The following CSMD1 variants were observed in gnomAD, a reference collection of about 807,000 sequenced individuals.
CSMD1 encodes the protein CUB and Sushi multiple domains 1, also known as CUB and sushi domain-containing protein 1.
In CSMD1, 213 loss-of-function variants were observed where a neutral mutation model predicts 417.5. The observed-to-expected ratio is 0.51, with a 90% CI of 0.46 to 0.57. The LOEUF (loss-of-function observed/expected upper bound fraction) is 0.57. CSMD1 is among the 20% of genes least tolerant of loss of function. CSMD1 has a pLI of 0.00. For synonymous variants in CSMD1, 2,862 were observed against 1,736.8 expected, an observed-to-expected ratio of 1.65 and a Z score of -16.11; for missense variants, 6,923 against 4,529.7, an observed-to-expected ratio of 1.53 and a Z score of -15.17.
intron 11 of CSMD1, among the ~76,000 whole-genome samples, 183 bp downstream of exon 11, chr8:3,493,440 C>A (rs4875724): frequency 0.79 from 120,896 of 152,094 alleles, 48,224 homozygotes; most frequent in East Asian, 0.85. Context: ...ATAACACATA[C>A]TCCTAAATTA....
Position 4,496,166 on chromosome 8 carries a change from T to A in CSMD1, c.303-76101A>T, listed in dbSNP as rs145234713. On this transcript the variant is annotated intron_variant, in intron 2 of 69. Coordinates refer to ENST00000635120, the MANE Select transcript of CSMD1 (RefSeq NM_033225.6). ...ACTCGCAATTCCTTTGAAACCATAC[T>A]ATGAAGAGAAAATTTAAATTCCATG... is the stretch of plus-strand genomic sequence containing the variant. Among the ~76,000 whole-genome samples, 526 of 152,298 alleles carry A rather than the reference T, an allele frequency of 3.5e-3. 4 individuals carry two copies. The highest frequency in any genetic ancestry group is 0.012 in the African/African-American group (481 of 41,552).
At chr8:3,535,180 C>G (rs745439364) in intron 10 of CSMD1, among the ~76,000 whole-genome samples, 1 of 151,954 alleles carries the variant, frequency 6.6e-6, no homozygotes, top group Non-Finnish European at 1.5e-5. Context: ...TCTCAAACTC[C>G]TGGCCTGAAA....
rs114323613 is a variant in CSMD1 at position 4,871,341 on chromosome 8, C to G, written c.85+122991G>C. On this transcript the variant is annotated intron_variant, in intron 1 of 69. Coordinates refer to ENST00000635120, the MANE Select transcript of CSMD1 (RefSeq NM_033225.6). ...GATTTAGATTTTCTGATGCTTCCAG[C>G]TATGCATATTGATATAAATGGCATT... Among the ~76,000 whole-genome samples, 1,432 of 152,194 alleles carry G rather than the reference C, an allele frequency of 9.4e-3. 31 individuals carry two copies. The highest frequency in any genetic ancestry group is 0.026 in the African/African-American group (1,089 of 41,476).
intron 49 of CSMD1, among the ~76,000 whole-genome samples, chr8:3,072,959 A>C (rs80312814): frequency 0.062 from 9,356 of 152,114 alleles, 294 homozygotes; most frequent in Admixed American, 0.07. Context: ...GGCTTGGAAA[A>C]ATCTCCCCAG....
chr8:3,705,807 G>T (rs1280117509), intron 7 of CSMD1, among the ~76,000 whole-genome samples: 1 of 152,180 alleles, frequency 6.6e-6, no homozygotes, highest in Non-Finnish European at 1.5e-5. Context: ...AGATCTTGGG[G>T]TGAAGCAGAA....
intron 10 of CSMD1, among the ~76,000 whole-genome samples, chr8:3,529,104 A>G (rs549564466): frequency 6.6e-5 from 10 of 152,350 alleles, no homozygotes; most frequent in African/African-American, 2.4e-4. Context: ...CTTCTTTGAA[A>G]AGTGAACTAA....
At chr8:3,250,200 C>T (rs1800161897) in intron 26 of CSMD1, among the ~76,000 whole-genome samples, 1 of 152,038 alleles carries the variant, frequency 6.6e-6, no homozygotes, top group South Asian at 2.1e-4. Context: ...AAATACTATC[C>T]CTCCCTGATC....
At chr8:3,078,225 A>G (rs1249619705) in intron 49 of CSMD1, among the ~76,000 whole-genome samples, 1 of 152,226 alleles carries the variant, frequency 6.6e-6, no homozygotes, top group African/African-American at 2.4e-5. Flanking sequence ...AGGTCTTCAT[A>G]TCACTACTAC....
chr8:3,954,458 C>A (rs1450577621), intron 5 of CSMD1, among the ~76,000 whole-genome samples: 1 of 152,148 alleles, frequency 6.6e-6, no homozygotes, highest in Non-Finnish European at 1.5e-5. Flanking sequence ...CCTCCTCCTC[C>A]CGGGTTCAGG....
intron 20 of CSMD1, among the ~76,000 whole-genome samples, chr8:3,363,792 C>T (rs1052349392): frequency 6.6e-6 from 1 of 152,172 alleles, no homozygotes; most frequent in Non-Finnish European, 1.5e-5. Flanking sequence ...TAGAAGTTAG[C>T]ACTGAAGAAG....
At chr8:4,554,647 G>T (rs1526332) in intron 2 of CSMD1, among the ~76,000 whole-genome samples, 95,621 of 151,950 alleles carry the variant, frequency 0.63, 30,291 homozygotes, top group Admixed American at 0.7. Flanking sequence ...GTTGCCATAG[G>T]CAACATTTAC....
intron 3 of CSMD1, among the ~76,000 whole-genome samples, chr8:4,246,369 G>C (rs945279216): frequency 6.6e-6 from 1 of 152,130 alleles, no homozygotes; most frequent in Non-Finnish European, 1.5e-5. Flanking sequence ...TAGAAGAGTA[G>C]TTCTTGATAA....
chr8:3,527,485 G>A (rs1295407670), intron 10 of CSMD1, among the ~76,000 whole-genome samples: 1 of 152,042 alleles, frequency 6.6e-6, no homozygotes, highest in African/African-American at 2.4e-5. Flanking sequence ...CTATGAAAAG[G>A]TTTCCCAGGG....
At position 2,939,310 on chromosome 8, in the gene CSMD1, A is replaced by C. The variant is rs146589471; in HGVS notation, c.10536-566T>G. 1.2e-3 allele frequency among the ~76,000 whole-genome samples: 178 copies of C among 152,366 alleles called. 1 individual carries two copies. The highest frequency in any genetic ancestry group is 4.3e-3 in the African/African-American group (178 of 41,584). ...CACGGTATGCTTACACTAAATTTCA[A>C]GTTTAAGCTTTTAGTTCACTGTCGT... On this transcript the variant is annotated intron_variant, in intron 69 of 69. Transcript: ENST00000635120.
intron 2 of CSMD1, among the ~76,000 whole-genome samples, chr8:4,464,553 G>A (rs1463830703): frequency 6.6e-6 from 1 of 152,198 alleles, no homozygotes; most frequent in East Asian, 1.9e-4. Context: ...GTGAAAAGCA[G>A]AATGGTCGTA....
At chr8:3,753,101 T>A (rs146641260) in intron 6 of CSMD1, among the ~76,000 whole-genome samples, 1 of 152,178 alleles carries the variant, frequency 6.6e-6, no homozygotes, top group Admixed American at 6.5e-5. Context: ...CAGGGCTTGG[T>A]GTCCTCTCTG....
chr8:3,466,349 C>T (rs1163731709), intron 12 of CSMD1, among the ~76,000 whole-genome samples: 1 of 152,010 alleles, frequency 6.6e-6, no homozygotes, highest in Non-Finnish European at 1.5e-5. Flanking sequence ...GAAAATCAGG[C>T]AACATCAAAA....
At chr8:3,912,493 G>T (rs1192554924) in intron 5 of CSMD1, among the ~76,000 whole-genome samples, 1 of 152,128 alleles carries the variant, frequency 6.6e-6, no homozygotes, top group Non-Finnish European at 1.5e-5. Context: ...ACCCTCAAGT[G>T]AAACATATTG....
At chr8:4,593,742 C>T (rs896354463) in intron 2 of CSMD1, among the ~76,000 whole-genome samples, 3 of 152,142 alleles carry the variant, frequency 2.0e-5, no homozygotes, top group Non-Finnish European at 4.4e-5. Context: ...CAATTCCTAG[C>T]TATATGCAAC....
Sources: gnomAD v4.1 joint callset for allele counts (sites outside exome capture counted in the v4.1 genomes callset) on GRCh38, gnomAD v4.1.1 for gene constraint, MANE v1.5 for transcripts, NCBI Gene and HGNC (gene_info 2026-07-23, HGNC 2026-07-21) for gene names.